Variants in GPATCH8 observed in about 807,000 individuals in gnomAD.
GPATCH8 encodes G patch domain-containing protein 8.
A neutral mutation model predicts 118.3 loss-of-function variants in GPATCH8; 18 were observed. That is an observed-to-expected ratio of 0.15 (90% CI 0.11 to 0.23). GPATCH8 has a LOEUF of 0.23. GPATCH8 is among the 10% of genes least tolerant of loss of function. The probability of loss-of-function intolerance (pLI) is 1.00; values close to 1 mark genes in which losing one functional copy is unlikely to be tolerated. For missense variants in GPATCH8, 1,631 were observed against 1,873.8 expected, an observed-to-expected ratio of 0.87 and a Z score of 2.39; for synonymous variants, 659 against 684.7, an observed-to-expected ratio of 0.96 and a Z score of 0.59.
At chr17:44,466,408 T>G (rs1047749003) in intron 2 of GPATCH8, among the ~76,000 whole-genome samples, 5 of 152,178 alleles carry the variant, frequency 3.3e-5, no homozygotes, top group African/African-American at 1.2e-4. Flanking sequence ...TGCACAAAAG[T>G]GTGCTGCAAG....
chr17:44,460,057 T>C (rs866587531), intron 3 of GPATCH8, among the ~76,000 whole-genome samples: 5 of 152,210 alleles, frequency 3.3e-5, no homozygotes, highest in Admixed American at 1.3e-4. Context: ...ATTGACTAAA[T>C]GTATTTCACA....
At chr17:44,455,015 T>C (rs1457465915) in intron 3 of GPATCH8, among the ~76,000 whole-genome samples, 1 of 152,206 alleles carries the variant, frequency 6.6e-6, no homozygotes, top group African/African-American at 2.4e-5. Context: ...ATAACTAAGC[T>C]TTTCTGACAA....
At chr17:44,488,359 C>G (rs1968958710) in intron 1 of GPATCH8, among the ~76,000 whole-genome samples, 1 of 150,826 alleles carries the variant, frequency 6.6e-6, no homozygotes, top group South Asian at 2.1e-4. Flanking sequence ...CACGCCAGAC[C>G]AATTTATTTT....
intron 1 of GPATCH8, among the ~76,000 whole-genome samples, chr17:44,483,208 T>A (rs1260104674): frequency 6.1e-5 from 5 of 81,312 alleles, no homozygotes; most frequent in East Asian, 4.1e-4. Flanking sequence ...TATATATATA[T>A]ATATATATAC....
In GPATCH8 at chr17:44,426,846, ACACTCTCTCT is replaced by A. The variant is rs1216089468; in HGVS notation, c.349-2364_349-2355del. 3.5e-3 allele frequency among the ~76,000 whole-genome samples: 514 copies of A among 145,782 alleles called. 1 individual carries two copies. Among genetic ancestry groups the A allele is most frequent in the African/African-American group, 0.012 (461 of 39,264 alleles). On this transcript the variant is annotated intron_variant, in intron 5 of 7. Transcript: ENST00000591680. ...TTGATCTCTTCAACAACACACACAC[ACACTCTCTCT>A]CTCTCTCTCTCTCTCTCTCTCTCTC...
Position 44,467,339 on chromosome 17 carries a change from G to A in GPATCH8, c.121-2795C>T, listed in dbSNP as rs190647706. ...AAAGCAAATGTTAAAGGGAGAGGGA[G>A]AAAAAAAAGAAAAAATTAAGGTTAT... On this transcript the variant is annotated intron_variant, in intron 2 of 7. Coordinates refer to ENST00000591680, the MANE Select transcript of GPATCH8 (RefSeq NM_001002909.4). 4.8e-3 allele frequency: 1,137 copies of A among 236,658 alleles called. 42 individuals are homozygous for A. The highest frequency in any genetic ancestry group is 0.048 in the Admixed American group (1,088 of 22,896). 14.7% of individuals were successfully genotyped at this position (236,658 alleles called of 1,614,324 possible).
intron 1 of GPATCH8, among the ~76,000 whole-genome samples, chr17:44,502,991 C>T (rs1344208659): frequency 1.3e-5 from 2 of 152,244 alleles, no homozygotes; most frequent in South Asian, 2.1e-4. Flanking sequence ...CCCCTCTTGT[C>T]CCCTGGGAGC....
chr17:44,479,705 A>G (rs900887330), intron 1 of GPATCH8, among the ~76,000 whole-genome samples: 1 of 152,244 alleles, frequency 6.6e-6, no homozygotes, highest in African/African-American at 2.4e-5. Flanking sequence ...AAGGTGGCTC[A>G]CGCCTGTAAT....
rs2048777529 is a variant in GPATCH8, at chr17:44,396,317, G to A, written c.*1251C>T. 2.2e-6 allele frequency: 1 copy of A among 454,358 alleles called. No individual in the cohort carries two copies. Among genetic ancestry groups the A allele is most frequent in the Admixed American group, 2.4e-5 (1 of 42,534 alleles). The allele number at this position is 454,358 out of a possible 1,614,324, so 28.1% of individuals were successfully genotyped here. A position where few individuals can be genotyped will look rare whatever the true frequency, so the allele number is the denominator to read the frequency against. ...TCCTTCTCCTCTGTGGGGTCTACCT[G>A]TTTCTCTGTGTAAAACAGCAAAAGT... On this transcript the variant is annotated 3_prime_UTR_variant, in exon 8 of 8. Coordinates refer to ENST00000591680, the MANE Select transcript of GPATCH8 (RefSeq NM_001002909.4).
At position 44,463,588 on chromosome 17, in the gene GPATCH8, G is replaced by A. The variant is rs1043026089; in HGVS notation, c.193+884C>T. 2.0e-5 allele frequency among the ~76,000 whole-genome samples: 3 copies of A among 152,074 alleles called. No individual in the cohort carries two copies. The East Asian group carries it at 5.8e-4, about 29-fold the overall frequency. On this transcript the variant is annotated intron_variant, in intron 3 of 7. Transcript: ENST00000591680. Reference sequence around the variant, plus strand: ...AGTAGAGATGGGGTTTCACCAGTTGGCCAGGCTGGTCTTGAATTCCTGACC... The same window carrying A: ...AGTAGAGATGGGGTTTCACCAGTTGACCAGGCTGGTCTTGAATTCCTGACC...
intron 6 of GPATCH8, among the ~76,000 whole-genome samples, chr17:44,413,398 G>A (rs537795481): frequency 1.3e-5 from 2 of 152,256 alleles, no homozygotes; most frequent in South Asian, 4.1e-4. Flanking sequence ...AGCCTCCCAC[G>A]TAGCTGGGAT....
intron 6 of GPATCH8, among the ~76,000 whole-genome samples, chr17:44,422,208 GTCTTGC>G (rs1171081588): frequency 6.6e-6 from 1 of 151,996 alleles, no homozygotes; most frequent in East Asian, 1.9e-4. Flanking sequence ...TTGAGACAAG[GTCTTGC>G]TCTGTTGCCC....
At chr17:44,436,029 C>CAAAA (rs1157048818) in intron 4 of GPATCH8, among the ~76,000 whole-genome samples, 22 of 41,798 alleles carry the variant, frequency 5.3e-4, no homozygotes, top group East Asian at 3.0e-3. Context: ...AACTCCATCT[C>CAAAA]AAAAAAAAAA....
chr17:44,492,748 AC>A (rs1213984781), intron 1 of GPATCH8, among the ~76,000 whole-genome samples: 1 of 152,174 alleles, frequency 6.6e-6, no homozygotes, highest in African/African-American at 2.4e-5. Context: ...ACAGTAGTCA[AC>A]TTTTATAAAG....
At chr17:44,405,863 T>G in intron 7 of GPATCH8, 58 bp downstream of exon 7, 2 of 1,202,976 alleles carry the variant, frequency 1.7e-6, no homozygotes, top group South Asian at 1.3e-5. Context: ...AAATCTATAA[T>G]TTAAAATTTT....
rs758779967 is a variant in GPATCH8, at chr17:44,399,726, C to T, written c.2351G>A (p.Arg784Lys). The T allele has an allele frequency of 6.2e-7, 1 of 1,614,112 alleles. No individual in the cohort carries two copies. Among genetic ancestry groups the T allele is most frequent in the Non-Finnish European group, 8.5e-7 (1 of 1,180,026 alleles). ...AGGTGGAAGTTCACCTTTGTGTTTC[C>T]TCCCACCATGGTCTTGGGAGCTGCT... ...GGSSSQDHGG[R>K]KHKGELPPSS... The change falls in exon 8 of 8, where the codon AGG becomes AAG. Residue 784 changes from arginine to lysine, a missense_variant. Coordinates refer to ENST00000591680, the MANE Select transcript of GPATCH8 (RefSeq NM_001002909.4).
chr17:44,406,695 T>C lies in GPATCH8; in HGVS notation c.493-644A>G, dbSNP rs2049246022. On this transcript the variant is annotated intron_variant, in intron 6 of 7. Transcript: ENST00000591680. ...TATCTGGTCAGCCTGCTGAAAGTAG[T>C]ATGTGAGGCTTTGCATTCCTTCATG... Among the ~76,000 whole-genome samples the C allele has an allele frequency of 2.6e-5, 4 of 152,090 alleles. No individual in the cohort carries two copies. The South Asian group carries it at 6.2e-4, about 24-fold the overall frequency.
rs145784145 is a variant in GPATCH8, at chr17:44,400,644, C to T, written c.1433G>A (p.Ser478Asn). ...TAAGGCCTTCTTTGCCTCAGCTTTG[C>T]TTCCTGGTTCTGAGGGCTCGGTCAT... ...TSMTEPSEPG[S>N]KAEAKKALGG... Residue 478 changes from serine (S) to asparagine (N), a missense_variant, in exon 8 of 8, where the codon AGC (serine) becomes AAC (asparagine). Transcript: ENST00000591680. 1.6e-5 allele frequency: 26 copies of T among 1,613,484 alleles called. No homozygotes were observed. The African/African-American group carries it at 3.2e-4, about 20-fold the overall frequency.
intron 1 of GPATCH8, among the ~76,000 whole-genome samples, chr17:44,476,959 G>A (rs1967830718): frequency 6.6e-6 from 1 of 152,024 alleles, no homozygotes; most frequent in South Asian, 2.1e-4. Context: ...TTCCCTTCTT[G>A]TCTTAAAATA....
Sources: allele counts gnomAD v4.1 joint callset (sites outside exome capture counted in the v4.1 genomes callset), GRCh38; gene constraint gnomAD v4.1.1; transcripts MANE v1.5; gene names NCBI Gene and HGNC (gene_info 2026-07-23, HGNC 2026-07-21).